The following NEBL variants were observed in gnomAD, a reference collection of about 807,000 sequenced individuals.
NEBL encodes LIM and SH3 protein 2.
Under a neutral mutation model 140.2 loss-of-function variants are expected in NEBL, and 122 were observed. The ratio of observed to expected loss-of-function variants is 0.87; its 90% confidence interval spans 0.75 to 1.01. The LOEUF is 1.01. NEBL is among the 50% of genes least tolerant of loss of function. NEBL has a pLI of 0.00. For missense variants in NEBL, 1,365 were observed against 1,231.3 expected (o/e 1.11, Z -1.62); for synonymous variants, 436 against 398.9 (o/e 1.09, Z -1.11).
chr10:20,909,755 T>C (rs1249191490), intron 4 of NEBL, among the ~76,000 whole-genome samples: 2 of 152,004 alleles, frequency 1.3e-5, no homozygotes, highest in Non-Finnish European at 2.9e-5. Flanking sequence ...AAATTCACCA[T>C]AAAATATTGA....
intron 18 of NEBL, 89 bp from the exon 19 acceptor site, chr10:20,823,389 T>C: frequency 1.1e-6 from 1 of 922,820 alleles, no homozygotes; most frequent in Non-Finnish European, 1.6e-6. Context: ...TATTGCATAA[T>C]TGAATTTTAT....
chr10:21,044,727 C>T (rs143616178), intron 2 of NEBL, among the ~76,000 whole-genome samples: 130 of 152,272 alleles, frequency 8.5e-4, no homozygotes, highest in African/African-American at 3.1e-3. Flanking sequence ...TGCTCAAATG[C>T]CCCTGCTCCG....
chr10:20,972,459 T>C (rs892076340), intron 3 of NEBL, among the ~76,000 whole-genome samples: 7 of 151,920 alleles, frequency 4.6e-5, no homozygotes, highest in African/African-American at 1.4e-4. Context: ...TAAAAATCAA[T>C]ATAGGCCAGG....
At chr10:21,284,517 T>C (rs1339810270) in intron 1 of NEBL, among the ~76,000 whole-genome samples, 2 of 152,158 alleles carry the variant, frequency 1.3e-5, no homozygotes, top group African/African-American at 4.8e-5. Context: ...ATTCTAGCAC[T>C]AATTGCCATT....
At chr10:20,892,774 G>A (rs788965) in intron 2 of NEBL, among the ~76,000 whole-genome samples, 33,750 of 152,094 alleles carry the variant, frequency 0.22, 4,134 homozygotes, top group East Asian at 0.41. Context: ...GGCTGAAATC[G>A]GATGACAGAC....
At chr10:21,182,925 C>T (rs1293040735) in intron 3 of NEBL, among the ~76,000 whole-genome samples, 2 of 152,130 alleles carry the variant, frequency 1.3e-5, no homozygotes, top group Non-Finnish European at 2.9e-5. Context: ...TTTATAGCGC[C>T]TCTCAAATTG....
chr10:21,181,667 C>G (rs1841390024), intron 3 of NEBL, among the ~76,000 whole-genome samples: 1 of 152,200 alleles, frequency 6.6e-6, no homozygotes, highest in Non-Finnish European at 1.5e-5. Flanking sequence ...GCTTTTCACC[C>G]TCATCTGCCA....
intron 2 of NEBL, among the ~76,000 whole-genome samples, chr10:21,138,505 G>A (rs1419014712): frequency 6.6e-6 from 1 of 152,100 alleles, no homozygotes. Context: ...CAAAAAGAGG[G>A]GTCAGGGTTC....
At chr10:20,973,502 T>C (rs1274793813) in intron 3 of NEBL, among the ~76,000 whole-genome samples, 1 of 152,304 alleles carries the variant, frequency 6.6e-6, no homozygotes, top group East Asian at 1.9e-4. Context: ...CTCCTGCATC[T>C]GTCTCCCAAT....
intron 18 of NEBL, among the ~76,000 whole-genome samples, chr10:20,824,662 A>G (rs1362851701): frequency 1.3e-5 from 2 of 152,170 alleles, no homozygotes; most frequent in Admixed American, 1.3e-4. Context: ...CAGATACAGA[A>G]CTATGCATTT....
intron 2 of NEBL, among the ~76,000 whole-genome samples, chr10:21,166,353 C>A (rs753007971): frequency 6.0e-5 from 9 of 150,794 alleles, no homozygotes; most frequent in Non-Finnish European, 1.0e-4. Context: ...TAAATGAATT[C>A]TGATGTTTTC....
At chr10:20,898,565 A>T (rs1047803169), upstream of NEBL, among the ~76,000 whole-genome samples, 1 of 152,166 alleles carries the variant, frequency 6.6e-6, no homozygotes, top group Non-Finnish European at 1.5e-5. Flanking sequence ...TCCACAAAAG[A>T]TTCTGGGGGA....
chr10:21,281,220 A>T, intron 1 of NEBL, among the ~76,000 whole-genome samples: 1 of 152,304 alleles, frequency 6.6e-6, no homozygotes, highest in East Asian at 1.9e-4. Flanking sequence ...ATGAATAATC[A>T]GTTTGTCTGC....
chr10:20,931,683 G>A (rs1834193735), intron 4 of NEBL, among the ~76,000 whole-genome samples: 1 of 152,174 alleles, frequency 6.6e-6, no homozygotes. Flanking sequence ...GGGCGCAGAA[G>A]TTAGAGCCAC....
intron 2 of NEBL, chr10:21,172,271 C>T: frequency 2.4e-6 from 2 of 818,140 alleles, no homozygotes; most frequent in South Asian, 1.4e-5. Context: ...AGGTAACTGG[C>T]CCCTGCCACA....
At chr10:21,056,249 G>T (rs1835019066) in intron 2 of NEBL, among the ~76,000 whole-genome samples, 1 of 152,208 alleles carries the variant, frequency 6.6e-6, no homozygotes, top group Admixed American at 6.5e-5. Flanking sequence ...CAATTTATGG[G>T]CTTTCTCCTA....
intron 1 of NEBL, among the ~76,000 whole-genome samples, chr10:21,255,433 GTA>G (rs1842645098): frequency 6.6e-6 from 1 of 152,080 alleles, no homozygotes; most frequent in African/African-American, 2.4e-5. Flanking sequence ...ATTTGACAAA[GTA>G]TAAGCTGTGC....
Position 20,819,460 on chromosome 10 carries a change from T to C in NEBL, c.2019A>G (p.Ile673Met). The change falls in exon 20 of 28, where the codon ATA becomes ATG. Residue 673 changes from isoleucine to methionine, a missense_variant. Coordinates refer to ENST00000377122, the MANE Select transcript of NEBL (RefSeq NM_006393.3). ...GCTCCTGGTTTCGCCTCACTCTCTCTATCTCCGGGGTCATGCTTACCGGAG... is the reference window on the plus strand; with the variant it reads ...GCTCCTGGTTTCGCCTCACTCTCTCCATCTCCGGGGTCATGCTTACCGGAG... ...KATPVSMTPEIERVRRNQEQL... is the reference protein window; with the variant it reads ...KATPVSMTPEMERVRRNQEQL... 1 of 1,614,102 alleles carries C rather than the reference T, an allele frequency of 6.2e-7. No homozygotes were observed. The highest frequency in any genetic ancestry group is 1.3e-5 in the African/African-American group (1 of 75,046).
chr10:20,792,315 T>A (rs1224255553), intron 26 of NEBL, among the ~76,000 whole-genome samples: 2 of 152,184 alleles, frequency 1.3e-5, no homozygotes, highest in Non-Finnish European at 2.9e-5. Context: ...GCAATTATTG[T>A]CATATTTTCT....
Sources: gnomAD v4.1 joint callset for allele counts (sites outside exome capture counted in the v4.1 genomes callset) on GRCh38, gnomAD v4.1.1 for gene constraint, MANE v1.5 for transcripts, NCBI Gene and HGNC (gene_info 2026-07-23, HGNC 2026-07-21) for gene names.